The following MLF1 variants were observed in gnomAD, a reference collection of about 807,000 sequenced individuals.
The protein encoded by MLF1 is myelodysplasia-myeloid leukemia factor 1.
In MLF1, 37 loss-of-function variants were observed where a neutral mutation model predicts 38.3. The ratio of observed to expected loss-of-function variants is 0.96; its 90% CI spans 0.74 to 1.27. MLF1 has a LOEUF of 1.27. Ranked by LOEUF, MLF1 falls within the 50% of genes most tolerant of loss-of-function variation. The pLI, the probability that MLF1 is intolerant of heterozygous loss-of-function variation, is 0.00. For missense variants in MLF1, 331 were observed against 349.2 expected (o/e 0.95, Z 0.42); for synonymous variants, 95 against 106.5 (o/e 0.89, Z 0.66).
Position 158,582,036 on chromosome 3 carries a change from C to T in MLF1, c.48-10398C>T, listed in dbSNP as rs371181074. Among the ~76,000 whole-genome samples, 215 of 152,060 alleles carry T rather than the reference C, an allele frequency of 1.4e-3. 3 individuals carry two copies. Among genetic ancestry groups the T allele is most frequent in the South Asian group, 5.8e-3 (28 of 4,826 alleles). Reference sequence around the variant, plus strand: ...CTCTACTAAAAATACAAAAATTAGCCGGGCGTGGTGGTGCATGCCTGTAAT... The same window carrying T: ...CTCTACTAAAAATACAAAAATTAGCTGGGCGTGGTGGTGCATGCCTGTAAT... On this transcript the variant is annotated intron_variant, in intron 1 of 7. Coordinates refer to ENST00000466246, the MANE Select transcript of MLF1 (RefSeq NM_001369783.1).
chr3:158,596,887 C>A lies in MLF1; in HGVS notation c.266C>A (p.Thr89Lys). The change falls in exon 4 of 8, where the codon ACA (threonine) becomes AAA (lysine). Residue 89 changes from threonine (T) to lysine (K), a missense_variant. Transcript: ENST00000466246. ...GMHTDVSSFQ[T>K]MDQMVSNMRN... ...CATACAGATGTCAGCTCTTTCCAGA[C>A]AATGGACCAAATGGTGTCAAATATG... is the stretch of plus-strand genomic sequence containing the variant. 6.2e-7 allele frequency: 1 copy of A among 1,609,484 alleles called. No homozygotes were observed. The highest frequency in any genetic ancestry group is 8.5e-7 in the Non-Finnish European group (1 of 1,177,204).
At chr3:158,577,745 C>G (rs1483859526) in intron 1 of MLF1, among the ~76,000 whole-genome samples, 1 of 152,156 alleles carries the variant, frequency 6.6e-6, no homozygotes, top group Non-Finnish European at 1.5e-5. Context: ...CACAGCATGA[C>G]TAGGACATGG....
intron 1 of MLF1, among the ~76,000 whole-genome samples, chr3:158,592,082 T>A (rs1718237623): frequency 6.6e-6 from 1 of 152,152 alleles, no homozygotes; most frequent in African/African-American, 2.4e-5. Context: ...TAAAGCCTAC[T>A]TTATTATAAA....
chr3:158,577,380 T>A (rs1465721837), intron 1 of MLF1, among the ~76,000 whole-genome samples: 1 of 152,208 alleles, frequency 6.6e-6, no homozygotes, highest in Non-Finnish European at 1.5e-5. Flanking sequence ...AGGTAGAGTC[T>A]CTGCCAAATT....
intron 7 of MLF1, among the ~76,000 whole-genome samples, chr3:158,603,889 C>G (rs993235316): frequency 6.6e-6 from 1 of 152,038 alleles, no homozygotes; most frequent in Non-Finnish European, 1.5e-5. Context: ...TTTGTACATA[C>G]TCTGGAGCTA....
rs201952489 is a variant in MLF1 at position 158,598,195 on chromosome 3, G to A, written c.440G>A (p.Arg147Gln). 2.5e-5 allele frequency: 41 copies of A among 1,612,724 alleles called. No homozygotes were observed. Among genetic ancestry groups the A allele is most frequent in the East Asian group, 6.7e-5 (3 of 44,856 alleles). Residue 147 changes from arginine to glutamine, a missense_variant, in exon 5 of 8, where the codon CGA (arginine) becomes CAA (glutamine). Arg to Gln is a conservative substitution (Grantham distance 43, BLOSUM62 1). Coordinates refer to ENST00000466246, the MANE Select transcript of MLF1 (RefSeq NM_001369783.1). Reference sequence around the variant, plus strand: ...TTTCAGGCCTCAACTCAAACTCGTCGAGCTCCAGGAGGAGTAAGTTTTCTA... The same window carrying A: ...TTTCAGGCCTCAACTCAAACTCGTCAAGCTCCAGGAGGAGTAAGTTTTCTA... Reference protein sequence around the residue: ...KVFQASTQTRRAPGGIKETRK... With the variant: ...KVFQASTQTRQAPGGIKETRK...
chr3:158,576,839 A>AT (rs1715526279), intron 1 of MLF1, among the ~76,000 whole-genome samples: 1 of 151,636 alleles, frequency 6.6e-6, no homozygotes, highest in African/African-American at 2.4e-5. Flanking sequence ...CACCCGGCTG[A>AT]TTTTTTGTAT....
At chr3:158,588,959 A>G (rs546190444) in intron 1 of MLF1, 1 of 452,254 alleles carries the variant, frequency 2.2e-6, no homozygotes, top group African/African-American at 2.0e-5. Flanking sequence ...TGGGCCAGAG[A>G]AAACCAAGTA....
intron 2 of MLF1, 30 bp from the exon 3 acceptor site, chr3:158,593,352 A>C: frequency 6.6e-7 from 1 of 1,506,084 alleles, no homozygotes; most frequent in African/African-American, 1.4e-5. Context: ...TAAATGTCAT[A>C]ATCAAATGAA....
At chr3:158,602,419 A>C (rs1009993080) in intron 6 of MLF1, among the ~76,000 whole-genome samples, 3 of 152,202 alleles carry the variant, frequency 2.0e-5, no homozygotes, top group African/African-American at 4.8e-5. Context: ...GTCAAGTTAC[A>C]CAGAAAGATG....
intron 1 of MLF1, among the ~76,000 whole-genome samples, chr3:158,583,601 G>C (rs1366719338): frequency 6.6e-6 from 1 of 152,202 alleles, no homozygotes; most frequent in Middle Eastern, 3.2e-3. Flanking sequence ...CTGAGAGACA[G>C]AGATGGGAAA....
chr3:158,574,027 G>A (rs1714991671), intron 1 of MLF1, among the ~76,000 whole-genome samples: 2 of 152,126 alleles, frequency 1.3e-5, no homozygotes, highest in Non-Finnish European at 2.9e-5. Flanking sequence ...TCAAACTCTT[G>A]AGCTTAAGTG....
intron 4 of MLF1, among the ~76,000 whole-genome samples, chr3:158,597,155 A>G (rs1228633422): frequency 2.0e-5 from 3 of 152,026 alleles, no homozygotes; most frequent in African/African-American, 2.4e-5. Flanking sequence ...ATATACAGTT[A>G]TTTTCTAGTC....
At chr3:158,599,940 C>T (rs1719489688) in intron 5 of MLF1, 74 bp from the exon 6 acceptor site, 1 of 621,928 alleles carries the variant, frequency 1.6e-6, no homozygotes, top group Admixed American at 4.5e-5. Flanking sequence ...GGCCATATCT[C>T]TGTAGGTAAG....
intron 3 of MLF1, 22 bp from the exon 4 acceptor site, chr3:158,596,840 C>T (rs746877412): frequency 1.2e-5 from 19 of 1,537,520 alleles, no homozygotes; most frequent in Non-Finnish European, 1.7e-5. Context: ...CAGTTAATAA[C>T]ATACTTCCTG....
chr3:158,598,202 A>G lies in MLF1; in HGVS notation c.447A>G (p.Pro149=). The G allele has an allele frequency of 1.9e-6, 3 of 1,612,150 alleles. No homozygotes were observed. The highest frequency in any genetic ancestry group is 2.7e-5 in the African/African-American group (2 of 74,824). Residue 149 remains proline (P), a synonymous_variant, in exon 5 of 8, where the codon CCA becomes CCG. Coordinates refer to ENST00000466246, the MANE Select transcript of MLF1 (RefSeq NM_001369783.1). The stretch of plus-strand genomic sequence containing the variant: ...CCTCAACTCAAACTCGTCGAGCTCC[A>G]GGAGGAGTAAGTTTTCTATAAGCAT... The part of the protein sequence containing the change: ...FQASTQTRRA[P]GGIKETRKAM...
intron 1 of MLF1, among the ~76,000 whole-genome samples, chr3:158,590,409 T>C (rs932781756): frequency 6.6e-6 from 1 of 152,216 alleles, no homozygotes; most frequent in Non-Finnish European, 1.5e-5. Flanking sequence ...ATACAAGCCA[T>C]CAGTCCTTGC....
intron 1 of MLF1, among the ~76,000 whole-genome samples, chr3:158,584,999 C>G (rs1416736132): frequency 7.1e-6 from 1 of 140,550 alleles, no homozygotes; most frequent in Non-Finnish European, 1.5e-5. Context: ...GATCATGCCA[C>G]TGCTCTCCAT....
Position 158,593,366 on chromosome 3 carries a change from G to A in MLF1, c.196-16G>A. On this transcript the variant is annotated splice_polypyrimidine_tract_variant and intron_variant, in intron 2 of 7. Coordinates refer to ENST00000466246, the MANE Select transcript of MLF1 (RefSeq NM_001369783.1). ...ATAAATGTCATAATCAAATGAATTGGATATTATTTTTCCAGGCAACGAGTT... is the reference window on the plus strand; with the variant it reads ...ATAAATGTCATAATCAAATGAATTGAATATTATTTTTCCAGGCAACGAGTT... 1 of 1,536,866 alleles carries A rather than the reference G, an allele frequency of 6.5e-7. No homozygotes were observed. Among genetic ancestry groups the A allele is most frequent in the Non-Finnish European group, 8.7e-7 (1 of 1,145,456 alleles).
Sources: allele counts gnomAD v4.1 joint callset (sites outside exome capture counted in the v4.1 genomes callset), GRCh38; gene constraint gnomAD v4.1.1; transcripts MANE v1.5; gene names NCBI Gene and HGNC (gene_info 2026-07-23, HGNC 2026-07-21).